Variants in PPP1R9A observed in about 807,000 individuals in gnomAD.
PPP1R9A encodes neurabin-1.
A neutral mutation model predicts 141.9 loss-of-function variants in PPP1R9A; 59 were observed. The ratio of observed to expected loss-of-function variants is 0.42; its 90% CI spans 0.34 to 0.52. The LOEUF (loss-of-function observed/expected upper bound fraction) is 0.52, where lower values mean the gene tolerates loss of function less well. PPP1R9A is among the 20% of genes least tolerant of loss of function. The probability of loss-of-function intolerance (pLI) is 0.10; values close to 1 mark genes in which losing one functional copy is unlikely to be tolerated. For missense variants in PPP1R9A, 1,444 were observed against 1,611.9 expected, an observed-to-expected ratio of 0.90 and a Z score of 1.78; for synonymous variants, 500 against 569.7, an observed-to-expected ratio of 0.88 and a Z score of 1.74.
At chr7:95,189,214 G>A (rs1835099143) in intron 5 of PPP1R9A, among the ~76,000 whole-genome samples, 1 of 152,012 alleles carries the variant, frequency 6.6e-6, no homozygotes, top group Non-Finnish European at 1.5e-5. Context: ...GTTACCGCTT[G>A]CTTTTGCCTC....
At chr7:95,045,502 C>T (rs1156858472) in intron 2 of PPP1R9A, among the ~76,000 whole-genome samples, 1 of 152,222 alleles carries the variant, frequency 6.6e-6, no homozygotes, top group East Asian at 1.9e-4. Flanking sequence ...TTGAGGCTTT[C>T]TTCCCTTTTT....
At chr7:95,231,982 T>C (rs1030980461) in intron 8 of PPP1R9A, among the ~76,000 whole-genome samples, 5 of 152,050 alleles carry the variant, frequency 3.3e-5, no homozygotes, top group Admixed American at 1.3e-4. Context: ...ATAAAATTGA[T>C]AGATCTCTAG....
chr7:95,036,918 T>G (rs1221202312), intron 2 of PPP1R9A: 3 of 152,148 alleles, frequency 2.0e-5, no homozygotes, highest in Non-Finnish European at 2.9e-5. Context: ...ACTCTTCCAT[T>G]CATGCTTAAG....
intron 8 of PPP1R9A, among the ~76,000 whole-genome samples, chr7:95,243,241 A>T (rs1291411632): frequency 1.3e-5 from 2 of 152,164 alleles, no homozygotes; most frequent in Non-Finnish European, 2.9e-5. Context: ...ATCCAGCAGC[A>T]GGTTGCCTCT....
intron 6 of PPP1R9A, chr7:95,202,598 C>T (rs1789814745): frequency 2.2e-6 from 2 of 912,576 alleles, no homozygotes; most frequent in South Asian, 5.1e-5. Context: ...CAATAAATCT[C>T]TCAGACAATC....
At chr7:95,187,460 A>C (rs1462725348) in intron 5 of PPP1R9A, among the ~76,000 whole-genome samples, 3 of 152,100 alleles carry the variant, frequency 2.0e-5, no homozygotes, top group Non-Finnish European at 4.4e-5. Flanking sequence ...TCAAAAACCC[A>C]GCTTTTTATT....
At chr7:95,121,181 A>T (rs541943514) in intron 4 of PPP1R9A, among the ~76,000 whole-genome samples, 34 of 152,334 alleles carry the variant, frequency 2.2e-4, no homozygotes, top group African/African-American at 8.2e-4. Flanking sequence ...GAAAGAAATG[A>T]TAATAGTTCT....
At chr7:95,215,955 G>A (rs1343020708) in intron 7 of PPP1R9A, among the ~76,000 whole-genome samples, 2 of 152,166 alleles carry the variant, frequency 1.3e-5, no homozygotes, top group Admixed American at 6.5e-5. Context: ...TTCTTTTGCT[G>A]TGAAGAAGCC....
chr7:94,964,833 T>C (rs1584420759), intron 2 of PPP1R9A, among the ~76,000 whole-genome samples: 1 of 151,862 alleles, frequency 6.6e-6, no homozygotes, highest in East Asian at 1.9e-4. Flanking sequence ...GATTTGAGTA[T>C]ATACCCAGTA....
chr7:94,960,565 C>T (rs1320484345), intron 2 of PPP1R9A, among the ~76,000 whole-genome samples: 1 of 151,624 alleles, frequency 6.6e-6, no homozygotes, highest in Non-Finnish European at 1.5e-5. Flanking sequence ...ATGCCTACAC[C>T]TTAGCAGATG....
At chr7:94,954,026 T>G (rs911671195) in intron 2 of PPP1R9A, among the ~76,000 whole-genome samples, 1 of 152,118 alleles carries the variant, frequency 6.6e-6, no homozygotes, top group Non-Finnish European at 1.5e-5. Context: ...GAGGGCATCC[T>G]TGTCTTGTGC....
intron 5 of PPP1R9A, among the ~76,000 whole-genome samples, chr7:95,196,729 C>T (rs1836337999): frequency 6.6e-6 from 1 of 151,982 alleles, no homozygotes; most frequent in South Asian, 2.1e-4. Context: ...TTATAGAATT[C>T]TAGAAAAGAT....
intron 7 of PPP1R9A, among the ~76,000 whole-genome samples, chr7:95,217,604 CT>C (rs1793675320): frequency 6.6e-6 from 1 of 152,030 alleles, no homozygotes; most frequent in South Asian, 2.1e-4. Context: ...TGGTCCTGGA[CT>C]TTTTTTGGTT....
At chr7:94,930,631 T>C (rs954958844) in intron 2 of PPP1R9A, among the ~76,000 whole-genome samples, 3 of 152,118 alleles carry the variant, frequency 2.0e-5, no homozygotes, top group African/African-American at 7.2e-5. Context: ...TGAACCACCA[T>C]GCCCAGCCCT....
At chr7:95,176,008 G>A (rs775709671) in intron 5 of PPP1R9A, among the ~76,000 whole-genome samples, 5 of 151,968 alleles carry the variant, frequency 3.3e-5, no homozygotes, top group Non-Finnish European at 7.4e-5. Flanking sequence ...GGATGTGTAG[G>A]CTCTCATCAT....
intron 2 of PPP1R9A, among the ~76,000 whole-genome samples, chr7:95,029,141 G>A (rs2151798602): frequency 6.6e-6 from 1 of 152,294 alleles, no homozygotes; most frequent in East Asian, 1.9e-4. Flanking sequence ...TTAACATACA[G>A]AGGCCGCGTA....
At chr7:94,927,418 T>C (rs181372032) in intron 2 of PPP1R9A, among the ~76,000 whole-genome samples, 359 of 152,332 alleles carry the variant, frequency 2.4e-3, no homozygotes, top group Non-Finnish European at 4.1e-3. Flanking sequence ...ATTGAGCTAC[T>C]ATGTCAGATG....
At chr7:94,960,859 T>G (rs753004672) in intron 2 of PPP1R9A, among the ~76,000 whole-genome samples, 13 of 151,768 alleles carry the variant, frequency 8.6e-5, no homozygotes, top group Non-Finnish European at 1.8e-4. Flanking sequence ...AAGATGTTTC[T>G]TGTGGCTATG....
intron 2 of PPP1R9A, among the ~76,000 whole-genome samples, chr7:95,007,480 T>C (rs1156455608): frequency 2.0e-5 from 3 of 152,144 alleles, no homozygotes; most frequent in Non-Finnish European, 4.4e-5. Flanking sequence ...AGAAGGTCTT[T>C]TGTGTTTGTA....
Sources: gnomAD v4.1 joint callset for allele counts (sites outside exome capture counted in the v4.1 genomes callset) on GRCh38, gnomAD v4.1.1 for gene constraint, MANE v1.5 for transcripts, NCBI Gene and HGNC (gene_info 2026-07-23, HGNC 2026-07-21) for gene names.